The following QTGAL variants were observed in gnomAD, a reference collection of about 807,000 sequenced individuals.
The protein encoded by QTGAL is BGnT-like protein 1.
At chr17:82,957,103 G>A in the QTGAL span, 9 of 1,579,776 alleles carry the variant, frequency 5.7e-6, no homozygotes, top group Middle Eastern at 1.7e-4. Flanking sequence ...CTGCCAAGGG[G>A]GAAGGCTCGG....
the QTGAL span, among the ~76,000 whole-genome samples, chr17:83,027,254 A>C: frequency 6.6e-6 from 1 of 152,286 alleles, no homozygotes; most frequent in African/African-American, 2.4e-5. Context: ...ATTTTCAACA[A>C]AGGCATCAGC....
the QTGAL span, among the ~76,000 whole-genome samples, chr17:83,039,110 T>C: frequency 0.18 from 26,354 of 144,456 alleles, 2,551 homozygotes; most frequent in Non-Finnish European, 0.22. Flanking sequence ...GAGTGCCCGC[T>C]GCCCACCGTC....
chr17:82,950,345 AAC>A, the QTGAL span, among the ~76,000 whole-genome samples: 1 of 152,326 alleles, frequency 6.6e-6, no homozygotes, highest in African/African-American at 2.4e-5. Context: ...CACATACGAT[AAC>A]AGTTTGACAT....
chr17:82,983,055 T>C, the QTGAL span, among the ~76,000 whole-genome samples: 9 of 152,294 alleles, frequency 5.9e-5, no homozygotes, highest in South Asian at 1.4e-3. Context: ...CCGAGGCAGA[T>C]GGATCACCTG....
At chr17:83,026,654 C>G in the QTGAL span, among the ~76,000 whole-genome samples, 3 of 100,496 alleles carry the variant, frequency 3.0e-5, no homozygotes, top group East Asian at 3.0e-4. Flanking sequence ...CAAACCCACC[C>G]TCGACAGACA....
the QTGAL span, chr17:83,048,627 T>G: frequency 6.2e-7 from 1 of 1,606,286 alleles, no homozygotes; most frequent in African/African-American, 1.3e-5. Context: ...CAACCGTTGC[T>G]TACACTGGGG....
the QTGAL span, chr17:82,947,304 A>ATG: frequency 2.8e-6 from 1 of 352,542 alleles, no homozygotes; most frequent in Non-Finnish European, 5.2e-6. Context: ...CTGCTGTTTG[A>ATG]CCAGGGCAGA....
chr17:83,031,906 C>A, the QTGAL span, among the ~76,000 whole-genome samples: 6 of 152,260 alleles, frequency 3.9e-5, no homozygotes, highest in Non-Finnish European at 5.9e-5. Context: ...CAACGTCCTT[C>A]GAGGATGTTC....
chr17:83,001,129 A>G, the QTGAL span, among the ~76,000 whole-genome samples: 13 of 152,262 alleles, frequency 8.5e-5, no homozygotes, highest in African/African-American at 3.1e-4. Context: ...CTATACATCA[A>G]CAAAGGTATA....
At chr17:82,971,483 C>T in the QTGAL span, among the ~76,000 whole-genome samples, 195 of 152,182 alleles carry the variant, frequency 1.3e-3, no homozygotes, top group African/African-American at 4.4e-3. Flanking sequence ...GCGCCGTCTC[C>T]TCCCTGGGGC....
the QTGAL span, chr17:82,942,318 A>G: frequency 1.5e-6 from 2 of 1,357,380 alleles, no homozygotes; most frequent in Non-Finnish European, 2.1e-6. Flanking sequence ...GGTGTGTGGG[A>G]AACGGCACAA....
chr17:83,017,470 A>T, the QTGAL span, among the ~76,000 whole-genome samples: 2 of 152,108 alleles, frequency 1.3e-5, no homozygotes, highest in South Asian at 4.2e-4. Flanking sequence ...TAAAAAAAAA[A>T]AAATTCACCG....
chr17:83,027,880 G>A, the QTGAL span, among the ~76,000 whole-genome samples: 7 of 152,108 alleles, frequency 4.6e-5, no homozygotes, highest in Admixed American at 1.3e-4. Context: ...CTGGGAGGTC[G>A]AGGCGAGCAG....
chr17:83,033,597 G>C, the QTGAL span, among the ~76,000 whole-genome samples: 1 of 149,298 alleles, frequency 6.7e-6, no homozygotes, highest in African/African-American at 2.5e-5. Flanking sequence ...TCAGCCTCCC[G>C]AGTAGCTGGG....
the QTGAL span, among the ~76,000 whole-genome samples, chr17:83,050,944 T>G: frequency 6.7e-6 from 1 of 148,890 alleles, no homozygotes; most frequent in Non-Finnish European, 1.5e-5. Flanking sequence ...GACGTGTGTG[T>G]GGGGCATGGG....
chr17:83,025,685 A>G, the QTGAL span, among the ~76,000 whole-genome samples: 1 of 150,570 alleles, frequency 6.6e-6, no homozygotes, highest in Admixed American at 6.6e-5. Flanking sequence ...GTCCACACAC[A>G]CGTAAGAAGA....
the QTGAL span, among the ~76,000 whole-genome samples, chr17:82,983,194 T>C: frequency 6.6e-6 from 1 of 152,100 alleles, no homozygotes; most frequent in Non-Finnish European, 1.5e-5. Context: ...GCAGGAGAAT[T>C]GCTTGAACCC....
At chr17:82,947,231 A>C in the QTGAL span, 1 of 505,586 alleles carries the variant, frequency 2.0e-6, no homozygotes, top group East Asian at 3.2e-5. Context: ...TTGCCTCTCT[A>C]CATAAGGTGG....
chr17:82,987,645 C>T, the QTGAL span, among the ~76,000 whole-genome samples: 29 of 152,270 alleles, frequency 1.9e-4, no homozygotes, highest in South Asian at 4.1e-4. Flanking sequence ...TGTTTTTGTA[C>T]CAGTACCATG....
Sources: allele counts gnomAD v4.1 joint callset (sites outside exome capture counted in the v4.1 genomes callset), GRCh38; gene constraint gnomAD v4.1.1; transcripts MANE v1.5; gene names NCBI Gene and HGNC (gene_info 2026-07-23, HGNC 2026-07-21).